Variants in SCP2 observed in about 807,000 individuals in gnomAD.
SCP2 encodes the protein sterol carrier protein 2, also known as SCP-2/3-oxoacyl-CoA thiolase.
In SCP2, 48 loss-of-function variants were observed where a neutral mutation model predicts 71.4. The observed-to-expected ratio is 0.67, with a 90% confidence interval of 0.53 to 0.86. The LOEUF (loss-of-function observed/expected upper bound fraction) is 0.86. SCP2 is among the 40% of genes least tolerant of loss of function. The probability of loss-of-function intolerance (pLI) is 0.00; values close to 1 mark genes in which losing one functional copy is unlikely to be tolerated. For missense variants in SCP2, 560 were observed against 655.6 expected (o/e 0.85, Z 1.59); for synonymous variants, 220 against 218.1 (o/e 1.01, Z -0.08).
At chr1:53,040,982 T>C (rs765036320) in intron 14 of SCP2, among the ~76,000 whole-genome samples, 7 of 152,194 alleles carry the variant, frequency 4.6e-5, no homozygotes, top group Non-Finnish European at 8.8e-5. Context: ...GACAACAGAA[T>C]GAATGGCATC....
chr1:52,927,679 C>T lies in SCP2; in HGVS notation c.69+214C>T, dbSNP rs192994057. 6.4e-4 allele frequency among the ~76,000 whole-genome samples: 98 copies of T among 152,276 alleles called. No individual in the cohort carries two copies. The East Asian group carries it at 0.017, about 27-fold the overall frequency. On this transcript the variant is annotated intron_variant, in intron 1 of 15. Transcript: ENST00000371514. ...CTTCCTCCTTCCCTTTTCTTCTGGT[C>T]AGAGTTCATGAAGCAGCCCCGAGAT...
chr1:53,030,886 C>T (rs1465840273), intron 13 of SCP2, among the ~76,000 whole-genome samples: 2 of 136,180 alleles, frequency 1.5e-5, no homozygotes, highest in Non-Finnish European at 1.5e-5. Context: ...GGTGACAGAG[C>T]GAGACTCCAC....
intron 1 of SCP2, among the ~76,000 whole-genome samples, chr1:52,934,311 T>TA (rs199960403): frequency 4.3e-4 from 66 of 152,190 alleles, no homozygotes; most frequent in Admixed American, 2.5e-3. Context: ...TTCCTACTAT[T>TA]AAAAATTTTT....
intron 10 of SCP2, among the ~76,000 whole-genome samples, chr1:52,983,913 T>G (rs780760407): frequency 8.5e-5 from 13 of 152,214 alleles, no homozygotes; most frequent in African/African-American, 2.9e-4. Flanking sequence ...TATAGATCCT[T>G]TGGAGAATGT....
intron 1 of SCP2, among the ~76,000 whole-genome samples, chr1:52,931,765 G>A (rs1280411244): frequency 6.6e-6 from 1 of 152,082 alleles, no homozygotes; most frequent in Non-Finnish European, 1.5e-5. Flanking sequence ...AGATATTCAA[G>A]GAAAATTTCC....
chr1:52,929,403 G>A (rs1240210038), intron 1 of SCP2, among the ~76,000 whole-genome samples: 1 of 151,254 alleles, frequency 6.6e-6, no homozygotes, highest in Admixed American at 6.6e-5. Flanking sequence ...CTACTAGATG[G>A]GTCTCATTTC....
chr1:52,968,520 A>G (rs1488289249), intron 6 of SCP2, among the ~76,000 whole-genome samples: 1 of 152,148 alleles, frequency 6.6e-6, no homozygotes, highest in Non-Finnish European at 1.5e-5. Flanking sequence ...TATATCATAT[A>G]ATTTACTCTT....
At chr1:52,990,165 A>G (rs1203352986) in intron 11 of SCP2, among the ~76,000 whole-genome samples, 1 of 111,014 alleles carries the variant, frequency 9.0e-6, no homozygotes. Context: ...GTCACTAAAT[A>G]AACAACCACA....
intron 5 of SCP2, among the ~76,000 whole-genome samples, chr1:52,957,066 C>T (rs541079268): frequency 1.3e-5 from 2 of 151,984 alleles, no homozygotes; most frequent in Non-Finnish European, 1.5e-5. Context: ...CCCGCCACCA[C>T]GCCTGGCTAA....
chr1:52,982,099 C>T (rs1658553988), intron 10 of SCP2, among the ~76,000 whole-genome samples: 1 of 151,974 alleles, frequency 6.6e-6, no homozygotes, highest in African/African-American at 2.4e-5. Context: ...CATGGTTTAT[C>T]AACCTTGGCA....
intron 6 of SCP2, among the ~76,000 whole-genome samples, chr1:52,966,160 G>A (rs985071003): frequency 3.9e-5 from 6 of 152,144 alleles, no homozygotes; most frequent in Admixed American, 1.3e-4. Context: ...TCAGTACAAT[G>A]TTAAGTAGCA....
At position 52,988,350 on chromosome 1, in the gene SCP2, A is replaced by G. The variant is rs150407225; in HGVS notation, c.1081+214A>G. On this transcript the variant is annotated intron_variant, in intron 11 of 15. Transcript: ENST00000371514. ...ATGAGAATTTGAATTAATTAAAACT[A>G]AATTCAGGATGTTTCCAAATAGAGA... Among the ~76,000 whole-genome samples the G allele has an allele frequency of 6.2e-3, 950 of 152,312 alleles. 15 individuals carry two copies. The highest frequency in any genetic ancestry group is 0.022 in the African/African-American group (913 of 41,578).
chr1:52,982,512 G>A (rs1197989673), intron 10 of SCP2, among the ~76,000 whole-genome samples: 1 of 152,136 alleles, frequency 6.6e-6, no homozygotes. Context: ...GGAGCTTGCA[G>A]GGAGCTGATA....
intron 12 of SCP2, among the ~76,000 whole-genome samples, chr1:53,026,942 T>A (rs1481915718): frequency 5.8e-5 from 6 of 104,188 alleles, no homozygotes; most frequent in Non-Finnish European, 9.0e-5. Context: ...ACTGCTGCAC[T>A]TTTTTTTTTT....
intron 5 of SCP2, among the ~76,000 whole-genome samples, chr1:52,960,878 G>A (rs969586711): frequency 2.0e-5 from 3 of 150,632 alleles, no homozygotes; most frequent in East Asian, 2.0e-4. Context: ...TCAGCCTCCC[G>A]AATAGCTGGG....
chr1:52,943,215 C>A (rs987064662), intron 2 of SCP2, among the ~76,000 whole-genome samples: 1 of 150,714 alleles, frequency 6.6e-6, no homozygotes, highest in African/African-American at 2.4e-5. Flanking sequence ...TGGTTCCCAA[C>A]ATGGTGGGTT....
intron 3 of SCP2, among the ~76,000 whole-genome samples, chr1:52,949,458 G>T (rs1316771418): frequency 1.3e-5 from 2 of 152,146 alleles, no homozygotes; most frequent in Non-Finnish European, 2.9e-5. Flanking sequence ...TTAACTTCCT[G>T]CAGAAAGGGT....
chr1:53,005,397 A>G (rs936527106), intron 11 of SCP2, among the ~76,000 whole-genome samples: 2 of 152,176 alleles, frequency 1.3e-5, no homozygotes, highest in African/African-American at 4.8e-5. Context: ...CACCTCATAC[A>G]GCCGGGTGTC....
intron 9 of SCP2, among the ~76,000 whole-genome samples, chr1:52,978,950 G>C (rs1658226331): frequency 6.6e-6 from 1 of 152,136 alleles, no homozygotes; most frequent in Non-Finnish European, 1.5e-5. Flanking sequence ...AAGTAAAAAA[G>C]ATGAAAATTC....
Sources: allele counts gnomAD v4.1 joint callset (sites outside exome capture counted in the v4.1 genomes callset), GRCh38; gene constraint gnomAD v4.1.1; transcripts MANE v1.5; gene names NCBI Gene and HGNC (gene_info 2026-07-23, HGNC 2026-07-21).